Variants in ODAD2 observed in about 807,000 individuals in gnomAD.
ODAD2 encodes the protein outer dynein arm docking complex subunit 2, also known as outer dynein arm-docking complex subunit 2.
ODAD2 carries 89 observed loss-of-function variants against 106.8 expected under a neutral mutation model. The ratio of observed to expected loss-of-function variants is 0.83; its 90% CI spans 0.70 to 0.99. ODAD2 has a LOEUF of 0.99. ODAD2 is among the 50% of genes least tolerant of loss of function. The probability of loss-of-function intolerance (pLI) is 0.00; values close to 1 mark genes in which losing one functional copy is unlikely to be tolerated. For synonymous variants in ODAD2, 404 were observed against 436.2 expected, an observed-to-expected ratio of 0.93 and a Z score of 0.92; for missense variants, 1,168 against 1,238.5, an observed-to-expected ratio of 0.94 and a Z score of 0.85.
chr10:27,949,455 G>T (rs1847172814), intron 10 of ODAD2, among the ~76,000 whole-genome samples: 1 of 152,266 alleles, frequency 6.6e-6, no homozygotes, highest in East Asian at 1.9e-4. Flanking sequence ...TCTGAACTGA[G>T]ATCTGGACAG....
At chr10:27,865,302 T>C (rs1290081306) in intron 17 of ODAD2, among the ~76,000 whole-genome samples, 1 of 152,214 alleles carries the variant, frequency 6.6e-6, no homozygotes, top group African/African-American at 2.4e-5. Flanking sequence ...AAAATATTTG[T>C]ATTTTTAAAA....
chr10:27,844,027 A>G (rs1276504898), intron 19 of ODAD2, among the ~76,000 whole-genome samples: 2 of 152,000 alleles, frequency 1.3e-5, no homozygotes, highest in East Asian at 3.9e-4. Context: ...GCAAGTTCCC[A>G]TCTCTACAAA....
At chr10:27,873,095 T>C (rs1216000592) in intron 17 of ODAD2, among the ~76,000 whole-genome samples, 3 of 151,738 alleles carry the variant, frequency 2.0e-5, no homozygotes, top group African/African-American at 4.8e-5. Context: ...AGGGTGTATG[T>C]GTCCAGGAAT....
In ODAD2 at chr10:27,944,730, C is replaced by T. The variant is rs970098270; in HGVS notation, c.1533+86G>A. On this transcript the variant is annotated intron_variant, in intron 11 of 19. Transcript: ENST00000305242. ...GCAGATAAAGACAAGAACCAGGCAA[C>T]GAGGCATGGCAGAAACCTAGAGCTA... The T allele has an allele frequency of 2.2e-5, 33 of 1,519,924 alleles. No individual in the cohort carries two copies. In the South Asian group the frequency reaches 2.6e-4, roughly 12 times the overall value. The allele number at this position is 1,519,924 out of a possible 1,614,324, so 94.2% of individuals were successfully genotyped here.
chr10:27,855,717 A>G (rs1369276283), intron 19 of ODAD2, among the ~76,000 whole-genome samples: 1 of 152,184 alleles, frequency 6.6e-6, no homozygotes, highest in African/African-American at 2.4e-5. Flanking sequence ...CTGGAACGCC[A>G]GTACATGTAC....
At chr10:27,853,428 C>A in intron 19 of ODAD2, 1 of 210,518 alleles carries the variant, frequency 4.8e-6, no homozygotes, top group Admixed American at 5.5e-5. Context: ...CTACTATTAT[C>A]CACTTTAAGT....
intron 16 of ODAD2, among the ~76,000 whole-genome samples, chr10:27,923,593 A>C (rs758480223): frequency 4.6e-5 from 7 of 152,146 alleles, no homozygotes; most frequent in Non-Finnish European, 1.0e-4. Flanking sequence ...GATAGAAGAC[A>C]TAAGTAATAT....
intron 17 of ODAD2, among the ~76,000 whole-genome samples, chr10:27,871,948 G>A (rs545529929): frequency 3.0e-4 from 45 of 152,286 alleles, no homozygotes; most frequent in African/African-American, 9.4e-4. Context: ...ACCTTGGGCA[G>A]TATGGCCATT....
intron 17 of ODAD2, among the ~76,000 whole-genome samples, chr10:27,887,673 G>A (rs547939048): frequency 2.7e-4 from 41 of 152,006 alleles, no homozygotes; most frequent in Admixed American, 6.6e-4. Flanking sequence ...GCAGCAGAAG[G>A]AAAAGTGGAA....
chr10:27,938,170 C>T (rs1439292452), intron 14 of ODAD2, among the ~76,000 whole-genome samples: 1 of 152,128 alleles, frequency 6.6e-6, no homozygotes, highest in Non-Finnish European at 1.5e-5. Flanking sequence ...AACTCCTGAC[C>T]TCAGGTTATC....
intron 4 of ODAD2, among the ~76,000 whole-genome samples, 163 bp from the exon 5 acceptor site, chr10:27,984,453 T>A (rs1355247397): frequency 6.6e-6 from 1 of 152,258 alleles, no homozygotes; most frequent in Non-Finnish European, 1.5e-5. Flanking sequence ...ACACATCAAG[T>A]AATTAGTGAT....
chr10:27,903,429 A>C (rs1564486021), intron 17 of ODAD2, among the ~76,000 whole-genome samples: 1 of 152,220 alleles, frequency 6.6e-6, no homozygotes, highest in African/African-American at 2.4e-5. Context: ...TATTCAATAT[A>C]GTATTGGAAG....
At chr10:27,933,659 A>G (rs1845757309) in intron 16 of ODAD2, among the ~76,000 whole-genome samples, 1 of 152,220 alleles carries the variant, frequency 6.6e-6, no homozygotes, top group Admixed American at 6.5e-5. Flanking sequence ...AAAAATAAAG[A>G]GGAACCAAAG....
upstream of ODAD2, among the ~76,000 whole-genome samples, chr10:27,999,591 G>GT (rs1250786345): frequency 6.6e-6 from 1 of 151,768 alleles, no homozygotes; most frequent in East Asian, 1.9e-4. Flanking sequence ...CATTAAGATG[G>GT]TTTTGACCCC....
intron 17 of ODAD2, among the ~76,000 whole-genome samples, chr10:27,869,347 A>T (rs1418749975): frequency 6.6e-6 from 1 of 152,016 alleles, no homozygotes; most frequent in Non-Finnish European, 1.5e-5. Context: ...ACATTTTAAA[A>T]TCTAGAATAA....
chr10:27,989,335 T>A (rs2133180088), intron 2 of ODAD2, among the ~76,000 whole-genome samples: 2 of 152,308 alleles, frequency 1.3e-5, no homozygotes, highest in East Asian at 3.9e-4. Context: ...AGAAGACATT[T>A]AGTAAACATC....
chr10:27,948,461 T>C (rs796942952), intron 10 of ODAD2, among the ~76,000 whole-genome samples: 68 of 152,320 alleles, frequency 4.5e-4, no homozygotes, highest in African/African-American at 1.5e-3. Context: ...GATTTTTGAA[T>C]GTTTGTTCCA....
chr10:27,886,160 T>C (rs1266646362), intron 17 of ODAD2, among the ~76,000 whole-genome samples: 1 of 150,680 alleles, frequency 6.6e-6, no homozygotes, highest in Non-Finnish European at 1.5e-5. Flanking sequence ...GAGATAGATA[T>C]ACAAATCCAA....
intron 16 of ODAD2, among the ~76,000 whole-genome samples, chr10:27,934,449 TTA>T (rs1190221889): frequency 1.3e-5 from 2 of 149,596 alleles, no homozygotes; most frequent in African/African-American, 4.9e-5. Flanking sequence ...ATATATATCT[TTA>T]TATAGATATA....
Sources: gnomAD v4.1 joint callset for allele counts (sites outside exome capture counted in the v4.1 genomes callset) on GRCh38, gnomAD v4.1.1 for gene constraint, MANE v1.5 for transcripts, NCBI Gene and HGNC (gene_info 2026-07-23, HGNC 2026-07-21) for gene names.